Variants in GKAP1 observed in about 807,000 individuals in gnomAD.
The protein encoded by GKAP1 is G kinase-anchoring protein 1.
Under a neutral mutation model 56.7 loss-of-function variants are expected in GKAP1, and 31 were observed. The observed-to-expected ratio is 0.55, with a 90% CI of 0.41 to 0.74. The LOEUF (loss-of-function observed/expected upper bound fraction) is 0.74, where lower values mean the gene tolerates loss of function less well. Among genes scored for constraint, GKAP1 ranks in the 30% least tolerant of loss-of-function variants. The pLI is 0.00. For missense variants in GKAP1, 364 were observed against 402.3 expected (o/e 0.90, Z 0.82); for synonymous variants, 151 against 138.6 (o/e 1.09, Z -0.63).
At chr9:83,784,635 A>G in intron 6 of GKAP1, 80 bp downstream of exon 6, 1 of 1,021,718 alleles carries the variant, frequency 9.8e-7, no homozygotes. Flanking sequence ...TTGTTTAAAA[A>G]TTAGAAAGAC....
chr9:83,799,827 T>C (rs1364141308), intron 3 of GKAP1, among the ~76,000 whole-genome samples: 2 of 152,004 alleles, frequency 1.3e-5, no homozygotes, highest in African/African-American at 2.4e-5. Flanking sequence ...TAGCCGGGTG[T>C]GGTGACACAC....
rs1587745925 is a variant in GKAP1 at position 83,811,940 on chromosome 9, AAT to A, written c.-44+5054_-44+5055del. ...CATCTACTGCAACAGCCTTGACAGA[AAT>A]CTACATACTATGTCAAAAGGTACAA... On this transcript the variant is annotated intron_variant, in intron 2 of 12. Coordinates refer to ENST00000376371, the MANE Select transcript of GKAP1 (RefSeq NM_025211.4). Among the ~76,000 whole-genome samples the A allele has an allele frequency of 2.0e-5, 3 of 152,290 alleles. No individual in the cohort carries two copies. The East Asian group carries it at 5.8e-4, about 29-fold the overall frequency.
chr9:83,779,610 T>C (rs201047993), intron 7 of GKAP1, among the ~76,000 whole-genome samples: 44 of 84,238 alleles, frequency 5.2e-4, no homozygotes, highest in South Asian at 1.1e-3. Context: ...TATATACACA[T>C]ATACACACAC....
At chr9:83,786,195 C>T (rs1360159016) in intron 5 of GKAP1, among the ~76,000 whole-genome samples, 1 of 152,210 alleles carries the variant, frequency 6.6e-6, no homozygotes, top group East Asian at 1.9e-4. Flanking sequence ...ACTCAAGGGG[C>T]ACACTTTGGC....
At chr9:83,786,460 G>C (rs1253415319) in intron 5 of GKAP1, among the ~76,000 whole-genome samples, 1 of 151,766 alleles carries the variant, frequency 6.6e-6, no homozygotes, top group East Asian at 1.9e-4. Flanking sequence ...AGAATCACTT[G>C]AACCCGGGAG....
intron 12 of GKAP1, 44 bp downstream of exon 12, chr9:83,741,908 T>G (rs1230553269): frequency 8.3e-7 from 1 of 1,199,692 alleles, no homozygotes; most frequent in Non-Finnish European, 1.2e-6. Flanking sequence ...CTACTCCAAA[T>G]GTATTATTTG....
intron 4 of GKAP1, among the ~76,000 whole-genome samples, chr9:83,798,821 C>A (rs1194515786): frequency 6.6e-6 from 1 of 152,142 alleles, no homozygotes; most frequent in Admixed American, 6.5e-5. Flanking sequence ...GCTGTACACA[C>A]CCAGCCTAGT....
At chr9:83,784,161 G>A (rs1282133614) in intron 6 of GKAP1, among the ~76,000 whole-genome samples, 1 of 151,758 alleles carries the variant, frequency 6.6e-6, no homozygotes, top group Non-Finnish European at 1.5e-5. Flanking sequence ...TAGCTACTCG[G>A]GAGACTGAGG....
chr9:83,784,893 TCAC>T, intron 5 of GKAP1, 55 bp from the exon 6 acceptor site: 1 of 1,359,674 alleles, frequency 7.4e-7, no homozygotes, highest in African/African-American at 1.5e-5. Context: ...TAAAATAAAC[TCAC>T]CAACAGGTAA....
At chr9:83,781,977 G>A (rs1173021475) in intron 6 of GKAP1, among the ~76,000 whole-genome samples, 1 of 151,056 alleles carries the variant, frequency 6.6e-6, no homozygotes, top group Non-Finnish European at 1.5e-5. Flanking sequence ...CCGAGTAGTT[G>A]GGACTACAGG....
At chr9:83,765,532 GAC>G (rs1943647976) in intron 8 of GKAP1, among the ~76,000 whole-genome samples, 1 of 152,206 alleles carries the variant, frequency 6.6e-6, no homozygotes, top group Admixed American at 6.5e-5. Flanking sequence ...AAAAGCTGCA[GAC>G]ACTCAATGCC....
intron 5 of GKAP1, among the ~76,000 whole-genome samples, chr9:83,786,848 T>C (rs1284983633): frequency 6.6e-6 from 1 of 152,212 alleles, no homozygotes; most frequent in Non-Finnish European, 1.5e-5. Context: ...CTATTTACTC[T>C]ATTTCTCCTC....
At chr9:83,814,325 TTAAC>T (rs1442053072) in intron 2 of GKAP1, among the ~76,000 whole-genome samples, 5 of 152,220 alleles carry the variant, frequency 3.3e-5, no homozygotes, top group African/African-American at 1.2e-4. Flanking sequence ...GTTCATATCT[TTAAC>T]TATGCTGTTC....
chr9:83,765,111 G>T (rs946945537), intron 8 of GKAP1, among the ~76,000 whole-genome samples: 1 of 152,202 alleles, frequency 6.6e-6, no homozygotes, highest in African/African-American at 2.4e-5. Flanking sequence ...GGGCCCCTCT[G>T]CTGTGTGCAG....
At chr9:83,756,043 G>T (rs966231760) in intron 8 of GKAP1, among the ~76,000 whole-genome samples, 2 of 151,910 alleles carry the variant, frequency 1.3e-5, no homozygotes, top group East Asian at 3.9e-4. Context: ...GATCTCAGGC[G>T]ATCCACCTGC....
At chr9:83,809,967 C>T (rs528880658) in intron 2 of GKAP1, among the ~76,000 whole-genome samples, 1 of 152,176 alleles carries the variant, frequency 6.6e-6, no homozygotes, top group East Asian at 1.9e-4. Flanking sequence ...GCCACCATGC[C>T]TGGCTAATTT....
At chr9:83,770,407 T>C (rs543748257) in intron 7 of GKAP1, among the ~76,000 whole-genome samples, 1 of 152,330 alleles carries the variant, frequency 6.6e-6, no homozygotes, top group Non-Finnish European at 1.5e-5. Context: ...AGATTATTCT[T>C]TTGCCCTTTT....
At chr9:83,800,342 G>GTTTTTTTTTTT (rs141368354) in intron 3 of GKAP1, among the ~76,000 whole-genome samples, 1 of 122,402 alleles carries the variant, frequency 8.2e-6, no homozygotes, top group African/African-American at 2.9e-5. Flanking sequence ...TTTTTTTTTT[G>GTTTTTTTTTTT]TTTTTTTTTT....
intron 4 of GKAP1, among the ~76,000 whole-genome samples, chr9:83,791,843 G>GA (rs897934191): frequency 5.9e-5 from 9 of 151,808 alleles, no homozygotes; most frequent in African/African-American, 1.9e-4. Flanking sequence ...CAGGAATACA[G>GA]AAAAAAAATC....
Sources: allele counts gnomAD v4.1 joint callset (sites outside exome capture counted in the v4.1 genomes callset), GRCh38; gene constraint gnomAD v4.1.1; transcripts MANE v1.5; gene names NCBI Gene and HGNC (gene_info 2026-07-23, HGNC 2026-07-21).